The following PARM1 variants were observed in gnomAD, a reference collection of about 807,000 sequenced individuals.
PARM1 encodes the protein prostate androgen-regulated mucin-like protein 1.
Under a neutral mutation model 24.6 loss-of-function variants are expected in PARM1, and 14 were observed. The observed-to-expected ratio is 0.57, with a 90% CI of 0.38 to 0.89. PARM1 has a LOEUF of 0.89. PARM1 is among the 40% of genes least tolerant of loss of function. PARM1 has a pLI of 0.00. For missense variants in PARM1, 362 were observed against 380.4 expected (o/e 0.95, Z 0.40); for synonymous variants, 179 against 156.6 (o/e 1.14, Z -1.07).
intron 1 of PARM1, among the ~76,000 whole-genome samples, chr4:75,001,969 A>G (rs978506480): frequency 2.6e-5 from 4 of 152,224 alleles, no homozygotes; most frequent in African/African-American, 4.8e-5. Context: ...ACATTATCCT[A>G]TAATCAGTCA....
chr4:74,940,147 C>G (rs1029575340), intron 1 of PARM1, among the ~76,000 whole-genome samples: 1 of 152,154 alleles, frequency 6.6e-6, no homozygotes, highest in East Asian at 1.9e-4. Flanking sequence ...ACGAAGTTAA[C>G]AAAATACATG....
chr4:74,992,179 CTGTTCCTTT>C lies in PARM1; in HGVS notation c.44-20243_44-20235del, dbSNP rs1272787817. 1.1e-4 allele frequency among the ~76,000 whole-genome samples: 17 copies of C among 152,274 alleles called. No individual in the cohort carries two copies. The Middle Eastern group carries it at 0.017, about 152-fold the overall frequency. Reference sequence around the variant, plus strand: ...TCAGCTATCAGGAAGGTCCTCAAACCTGTTCCTTTTGGGTTTTTATGGATACTTCATTAG... The same window carrying C: ...TCAGCTATCAGGAAGGTCCTCAAACCTGGGTTTTTATGGATACTTCATTAG... On this transcript the variant is annotated intron_variant, in intron 1 of 3. Coordinates refer to ENST00000307428, the MANE Select transcript of PARM1 (RefSeq NM_015393.4).
intron 1 of PARM1, among the ~76,000 whole-genome samples, chr4:74,933,594 C>T (rs1249836944): frequency 1.3e-5 from 2 of 152,216 alleles, no homozygotes; most frequent in East Asian, 1.9e-4. Context: ...AGCCCGCGCC[C>T]GCACAAACTC....
intron 1 of PARM1, among the ~76,000 whole-genome samples, chr4:74,963,757 T>G (rs1458899887): frequency 6.6e-6 from 1 of 152,224 alleles, no homozygotes; most frequent in Non-Finnish European, 1.5e-5. Flanking sequence ...ATTGTGAATG[T>G]AATTAATGCC....
intron 2 of PARM1, among the ~76,000 whole-genome samples, chr4:75,020,320 G>A (rs1386772981): frequency 6.6e-6 from 1 of 152,134 alleles, no homozygotes; most frequent in Non-Finnish European, 1.5e-5. Context: ...GTCTTACGGT[G>A]AGTGTCACCA....
At chr4:74,941,375 G>A (rs1472660727) in intron 1 of PARM1, among the ~76,000 whole-genome samples, 1 of 152,148 alleles carries the variant, frequency 6.6e-6, no homozygotes, top group Non-Finnish European at 1.5e-5. Context: ...GGCAGGGACA[G>A]TGGCTGTTTC....
At chr4:74,933,513 T>C (rs1232060393) in intron 1 of PARM1, 143 bp downstream of exon 1, 1 of 708,898 alleles carries the variant, frequency 1.4e-6, no homozygotes, top group Non-Finnish European at 2.5e-6. Context: ...GCACTTAGAT[T>C]TGGGGTGACG....
intron 1 of PARM1, among the ~76,000 whole-genome samples, chr4:74,974,079 GA>G: frequency 6.6e-6 from 1 of 152,172 alleles, no homozygotes; most frequent in East Asian, 1.9e-4. Flanking sequence ...AAGGACCAGA[GA>G]AGATGAGGTG....
intron 1 of PARM1, among the ~76,000 whole-genome samples, chr4:74,992,269 G>A (rs566599022): frequency 6.6e-6 from 1 of 152,124 alleles, no homozygotes; most frequent in South Asian, 2.1e-4. Flanking sequence ...TAAAAAATGA[G>A]TAAATTTGAA....
intron 1 of PARM1, among the ~76,000 whole-genome samples, chr4:74,977,610 A>G (rs549153203): frequency 8.1e-4 from 123 of 152,352 alleles, no homozygotes; most frequent in African/African-American, 2.9e-3. Context: ...CTGGAAATTC[A>G]GAGAACCCCA....
intron 2 of PARM1, among the ~76,000 whole-genome samples, chr4:75,022,614 G>A (rs2109801898): frequency 6.6e-6 from 1 of 152,252 alleles, no homozygotes; most frequent in Admixed American, 6.5e-5. Flanking sequence ...GCTTTCACCA[G>A]TTGCATATGA....
At chr4:74,946,575 C>T (rs376067358) in intron 1 of PARM1, among the ~76,000 whole-genome samples, 72 of 152,202 alleles carry the variant, frequency 4.7e-4, no homozygotes, top group African/African-American at 1.6e-3. Flanking sequence ...TGGCTAATTC[C>T]GGGTCTGGGT....
chr4:74,989,314 C>T (rs1452970460), intron 1 of PARM1, among the ~76,000 whole-genome samples: 1 of 152,200 alleles, frequency 6.6e-6, no homozygotes, highest in African/African-American at 2.4e-5. Flanking sequence ...ACTTCTGACC[C>T]ACTGGCTATA....
intron 1 of PARM1, among the ~76,000 whole-genome samples, chr4:75,002,300 T>C (rs925761310): frequency 2.6e-5 from 4 of 152,222 alleles, no homozygotes; most frequent in Non-Finnish European, 5.9e-5. Flanking sequence ...TTCTGATTTT[T>C]GCCAGGGGCT....
At chr4:75,014,868 C>G (rs1247722926) in intron 2 of PARM1, among the ~76,000 whole-genome samples, 2 of 152,308 alleles carry the variant, frequency 1.3e-5, no homozygotes, top group East Asian at 3.9e-4. Flanking sequence ...CTGTCTCTAT[C>G]CAAACCCCTG....
At chr4:74,957,169 A>G (rs1444557993) in intron 1 of PARM1, 1 of 152,220 alleles carries the variant, frequency 6.6e-6, no homozygotes, top group African/African-American at 2.4e-5. Flanking sequence ...TTTCGGCTCT[A>G]TATCAGCCCT....
At chr4:74,989,670 G>C (rs181304994) in intron 1 of PARM1, among the ~76,000 whole-genome samples, 1 of 152,142 alleles carries the variant, frequency 6.6e-6, no homozygotes, top group African/African-American at 2.4e-5. Flanking sequence ...TCTACCCTCT[G>C]TAGAAGTTTT....
Position 75,012,753 on chromosome 4 carries a change from A to C in PARM1, c.372A>C (p.Glu124Asp). The change falls in exon 2 of 4, where the codon GAA becomes GAC. Residue 124 changes from glutamate to aspartate, a missense_variant. Physicochemically the swap from Glu to Asp is conservative, Grantham distance 45. Coordinates refer to ENST00000307428, the MANE Select transcript of PARM1 (RefSeq NM_015393.4). Reference protein sequence around the residue: ...GGVHLTTTLEEHSSGTPEAGV... With the variant: ...GGVHLTTTLEDHSSGTPEAGV... ...TCCACTTAACAACCACGTTGGAGGA[A>C]CACAGCTCGGGCACTCCTGAAGCAG... 6.2e-7 allele frequency: 1 copy of C among 1,613,958 alleles called. No individual in the cohort carries two copies. Among genetic ancestry groups the C allele is most frequent in the East Asian group, 2.2e-5 (1 of 44,888 alleles).
chr4:74,999,987 G>C (rs1469249266), intron 1 of PARM1, among the ~76,000 whole-genome samples: 1 of 152,074 alleles, frequency 6.6e-6, no homozygotes, highest in Non-Finnish European at 1.5e-5. Context: ...GCATCTGTGG[G>C]TGTGTGCAGC....
Sources: gnomAD v4.1 joint callset for allele counts (sites outside exome capture counted in the v4.1 genomes callset) on GRCh38, gnomAD v4.1.1 for gene constraint, MANE v1.5 for transcripts, NCBI Gene and HGNC (gene_info 2026-07-23, HGNC 2026-07-21) for gene names.